The following MICAL3 variants were observed in gnomAD, a reference collection of about 807,000 sequenced individuals.
MICAL3 encodes [F-actin]-monooxygenase MICAL3.
In MICAL3, 62 loss-of-function variants were observed where a neutral mutation model predicts 207.4. The observed-to-expected ratio is 0.30, with a 90% CI of 0.24 to 0.37. The LOEUF (loss-of-function observed/expected upper bound fraction) is 0.37. MICAL3 is among the 10% of genes least tolerant of loss of function. The probability of loss-of-function intolerance (pLI) is 1.00; values close to 1 mark genes in which losing one functional copy is unlikely to be tolerated. For missense variants in MICAL3, 2,368 were observed against 2,635.6 expected (o/e 0.90, Z 2.22); for synonymous variants, 1,077 against 1,069.3 (o/e 1.01, Z -0.14).
chr22:17,830,288 CCTGCG>C (rs1922665958), intron 21 of MICAL3, among the ~76,000 whole-genome samples: 2 of 152,174 alleles, frequency 1.3e-5, no homozygotes, highest in Admixed American at 1.3e-4. Flanking sequence ...GACAGACACA[CCTGCG>C]CTAGGGACAC....
At chr22:17,853,169 T>C (rs538841004) in intron 19 of MICAL3, among the ~76,000 whole-genome samples, 108 of 152,170 alleles carry the variant, frequency 7.1e-4, no homozygotes, top group Admixed American at 3.0e-3. Context: ...TAGGGTGTCA[T>C]AGAATCAGTA....
chr22:17,980,210 C>A (rs1455222963), intron 1 of MICAL3, among the ~76,000 whole-genome samples: 3 of 152,172 alleles, frequency 2.0e-5, no homozygotes, highest in Non-Finnish European at 4.4e-5. Context: ...CTCTAGCAGT[C>A]TGGCTAGAGG....
intron 1 of MICAL3, among the ~76,000 whole-genome samples, chr22:18,007,803 G>A (rs1327653219): frequency 1.1e-4 from 16 of 150,956 alleles, no homozygotes; most frequent in Non-Finnish European, 1.6e-4. Context: ...GGTGCCTGTA[G>A]TCACAGCTAC....
intron 1 of MICAL3, among the ~76,000 whole-genome samples, chr22:17,973,755 G>A (rs1027884186): frequency 2.0e-5 from 3 of 152,008 alleles, no homozygotes; most frequent in Admixed American, 6.6e-5. Context: ...ACGGTGAGAC[G>A]CCGTCTCTAC....
At chr22:17,997,319 C>G (rs1922396314) in intron 1 of MICAL3, among the ~76,000 whole-genome samples, 2 of 152,134 alleles carry the variant, frequency 1.3e-5, no homozygotes, top group Non-Finnish European at 2.9e-5. Flanking sequence ...CCACCTCAAC[C>G]TCCCAAAGTG....
intron 1 of MICAL3, among the ~76,000 whole-genome samples, chr22:17,986,397 G>A (rs1430061957): frequency 6.6e-6 from 1 of 152,198 alleles, no homozygotes; most frequent in Non-Finnish European, 1.5e-5. Context: ...ACACACGCCT[G>A]TAGTCCCAGC....
chr22:17,851,802 G>T (rs1925368060), intron 19 of MICAL3, among the ~76,000 whole-genome samples: 1 of 152,238 alleles, frequency 6.6e-6, no homozygotes, highest in African/African-American at 2.4e-5. Context: ...GTTCTGAAAA[G>T]AGACTACCTC....
At chr22:17,956,392 G>A (rs374263936) in intron 1 of MICAL3, among the ~76,000 whole-genome samples, 2 of 152,142 alleles carry the variant, frequency 1.3e-5, no homozygotes, top group African/African-American at 4.8e-5. Context: ...ATGCACTACC[G>A]GCCGGGCATG....
intron 20 of MICAL3, among the ~76,000 whole-genome samples, chr22:17,836,588 A>ATTCAT (rs1569087346): frequency 3.3e-5 from 5 of 151,898 alleles, no homozygotes; most frequent in African/African-American, 1.2e-4. Flanking sequence ...CAGGAATTCA[A>ATTCAT]GCAGACCCTA....
intron 1 of MICAL3, among the ~76,000 whole-genome samples, chr22:17,955,190 A>G (rs1018414543): frequency 6.6e-6 from 1 of 152,172 alleles, no homozygotes; most frequent in Non-Finnish European, 1.5e-5. Context: ...AATGGTGGCT[A>G]TTCACTGTGA....
intron 19 of MICAL3, among the ~76,000 whole-genome samples, chr22:17,855,207 T>C (rs1433123880): frequency 6.6e-6 from 1 of 152,178 alleles, no homozygotes; most frequent in Non-Finnish European, 1.5e-5. Context: ...GTGAGTTCAG[T>C]ACAGAGTGGC....
At chr22:17,849,092 G>C (rs1259106636) in intron 19 of MICAL3, among the ~76,000 whole-genome samples, 1 of 152,248 alleles carries the variant, frequency 6.6e-6, no homozygotes, top group African/African-American at 2.4e-5. Context: ...CATGATATGA[G>C]GTATTTCTTG....
At chr22:17,860,480 T>A (rs1219996871) in intron 19 of MICAL3, 1 of 985,354 alleles carries the variant, frequency 1.0e-6, no homozygotes, top group East Asian at 1.1e-4. Flanking sequence ...CCAAGCTGAA[T>A]GGCTCGGGAG....
intron 1 of MICAL3, among the ~76,000 whole-genome samples, chr22:17,954,250 A>T (rs1180796209): frequency 6.6e-6 from 1 of 152,214 alleles, no homozygotes; most frequent in African/African-American, 2.4e-5. Context: ...CCACTATGAT[A>T]GGTGCAGGGA....
rs373511834 is a variant in MICAL3 at position 17,873,175 on chromosome 22, G to A, written c.2242-1152C>T. Among the ~76,000 whole-genome samples the A allele has an allele frequency of 5.9e-5, 9 of 152,376 alleles. No homozygotes were observed. The East Asian group carries it at 1.5e-3, about 26-fold the overall frequency. On this transcript the variant is annotated intron_variant, in intron 16 of 31. Coordinates refer to ENST00000441493, the MANE Select transcript of MICAL3 (RefSeq NM_015241.3). ...AATGGTGGTAGAAGGCAGGGCGAACGCGCACAGAGACAGGCAGGCAGGGCC... is the reference window on the plus strand; with the variant it reads ...AATGGTGGTAGAAGGCAGGGCGAACACGCACAGAGACAGGCAGGCAGGGCC...
At chr22:17,876,003 C>T (rs142965734) in intron 16 of MICAL3, among the ~76,000 whole-genome samples, 10 of 152,294 alleles carry the variant, frequency 6.6e-5, no homozygotes, top group East Asian at 3.9e-4. Flanking sequence ...TAGCAGGCAG[C>T]GGAGACAGCA....
chr22:17,881,267 T>C (rs1929400901), intron 16 of MICAL3: 2 of 1,611,466 alleles, frequency 1.2e-6, no homozygotes, highest in Non-Finnish European at 1.7e-6. Flanking sequence ...GTGATCACTT[T>C]TTTGGGGCAG....
intron 19 of MICAL3, among the ~76,000 whole-genome samples, chr22:17,848,346 A>G (rs980865910): frequency 3.3e-5 from 5 of 152,182 alleles, no homozygotes; most frequent in Non-Finnish European, 4.4e-5. Flanking sequence ...ATGTTCTCCC[A>G]CACGTCCTCA....
At chr22:17,858,013 T>TG (rs1926111970) in intron 19 of MICAL3, among the ~76,000 whole-genome samples, 1 of 152,220 alleles carries the variant, frequency 6.6e-6, no homozygotes, top group Non-Finnish European at 1.5e-5. Flanking sequence ...GTTCATAAAC[T>TG]GCTTTTGCAA....
Sources: allele counts gnomAD v4.1 joint callset (sites outside exome capture counted in the v4.1 genomes callset), GRCh38; gene constraint gnomAD v4.1.1; transcripts MANE v1.5; gene names NCBI Gene and HGNC (gene_info 2026-07-23, HGNC 2026-07-21).